KCNC2: variants seen among roughly 807,000 people sequenced by gnomAD.
KCNC2 encodes the protein voltage-gated potassium channel KCNC2.
In KCNC2, 21 loss-of-function variants were observed where a neutral mutation model predicts 44.5. The observed-to-expected ratio is 0.47, with a 90% CI of 0.33 to 0.68. The LOEUF (loss-of-function observed/expected upper bound fraction) is 0.68. Among genes scored for constraint, KCNC2 ranks in the 30% least tolerant of loss-of-function variants. The probability of loss-of-function intolerance (pLI) is 0.01; values close to 1 mark genes in which losing one functional copy is unlikely to be tolerated. For missense variants in KCNC2, 589 were observed against 826.2 expected (o/e 0.71, Z 3.52); for synonymous variants, 391 against 339.1 (o/e 1.15, Z -1.68).
chr12:75,042,107 A>G lies in KCNC2; in HGVS notation c.*998T>C. 5 of 1,244,630 alleles carry G rather than the reference A, an allele frequency of 4.0e-6. No homozygotes were observed. The East Asian group carries it at 1.6e-4, about 40-fold the overall frequency. The allele number at this position is 1,244,630 out of a possible 1,614,324, so 77.1% of individuals were successfully genotyped here. ...GTGACATTTGATGTTTGCACAAAAA[A>G]TTAATAAATAAAAATAAAATAAGGG... On this transcript the variant is annotated 3_prime_UTR_variant, in exon 5 of 5. Coordinates refer to ENST00000549446, the MANE Select transcript of KCNC2 (RefSeq NM_139137.4).
chr12:75,121,018 A>G (rs1309414903), intron 2 of KCNC2, among the ~76,000 whole-genome samples: 1 of 152,192 alleles, frequency 6.6e-6, no homozygotes, highest in Non-Finnish European at 1.5e-5. Flanking sequence ...CAGTGTCTGT[A>G]TACAGCTCTC....
At chr12:75,086,030 T>C (rs1048611622) in intron 2 of KCNC2, among the ~76,000 whole-genome samples, 2 of 152,040 alleles carry the variant, frequency 1.3e-5, no homozygotes, top group African/African-American at 2.4e-5. Context: ...AAACTGACAA[T>C]TTTAATGTAA....
chr12:75,100,178 A>G (rs1037024385), intron 2 of KCNC2, among the ~76,000 whole-genome samples: 1 of 152,094 alleles, frequency 6.6e-6, no homozygotes, highest in African/African-American at 2.4e-5. Flanking sequence ...GGCGAGTTCT[A>G]TAGTCTTTTT....
At chr12:75,149,145 A>G (rs1195553366) in intron 2 of KCNC2, among the ~76,000 whole-genome samples, 2 of 151,840 alleles carry the variant, frequency 1.3e-5, no homozygotes, top group Admixed American at 1.3e-4. Context: ...GGAAATCTCT[A>G]TCCAGTCATT....
In KCNC2 at chr12:75,209,315, G is replaced by A. The variant is rs1294684546; in HGVS notation, c.-128C>T. The A allele has an allele frequency of 6.6e-6, 1 of 152,200 alleles. No individual in the cohort carries two copies. Among genetic ancestry groups the A allele is most frequent in the African/African-American group, 2.4e-5 (1 of 41,446 alleles). The allele number at this position is 152,200 out of a possible 1,614,324, so 9.4% of individuals were successfully genotyped here. A position where few individuals can be genotyped will look rare whatever the true frequency, so the allele number is the denominator to read the frequency against. On this transcript the variant is annotated 5_prime_UTR_variant, in exon 1 of 5. Coordinates refer to ENST00000549446, the MANE Select transcript of KCNC2 (RefSeq NM_139137.4). ...CCCAGGTGAGCCGCCCTTCTCCGAC[G>A]AGAAACTACTTGTTGGCGTTTTCCG...
chr12:75,196,369 T>G (rs1163384045), intron 2 of KCNC2, among the ~76,000 whole-genome samples: 1 of 152,148 alleles, frequency 6.6e-6, no homozygotes, highest in Non-Finnish European at 1.5e-5. Context: ...AGAGACAACT[T>G]ATTTCTTCAT....
At chr12:75,146,867 G>A (rs1038163123) in intron 2 of KCNC2, among the ~76,000 whole-genome samples, 1 of 152,072 alleles carries the variant, frequency 6.6e-6, no homozygotes, top group Non-Finnish European at 1.5e-5. Context: ...TGTGATTCCC[G>A]AGGAAACACT....
chr12:75,152,915 G>C (rs1162040194), intron 2 of KCNC2, among the ~76,000 whole-genome samples: 1 of 151,908 alleles, frequency 6.6e-6, no homozygotes, highest in Non-Finnish European at 1.5e-5. Context: ...TCGAAAATTA[G>C]AGGCGAATTA....
At chr12:75,103,159 A>T (rs1886509104) in intron 2 of KCNC2, among the ~76,000 whole-genome samples, 1 of 152,210 alleles carries the variant, frequency 6.6e-6, no homozygotes, top group Non-Finnish European at 1.5e-5. Flanking sequence ...AAAGATAATT[A>T]AAAGAGTTAA....
At position 75,063,783 on chromosome 12, in the gene KCNC2, A is replaced by C. The variant is rs80180609; in HGVS notation, c.688-12466T>G. On this transcript the variant is annotated intron_variant, in intron 2 of 4. Transcript: ENST00000549446. Reference sequence around the variant, plus strand: ...GTAGCAAAATATGCATATGAACCAGAGACAGGACAAATCCTTTTATAATTT... The same window carrying C: ...GTAGCAAAATATGCATATGAACCAGCGACAGGACAAATCCTTTTATAATTT... Among the ~76,000 whole-genome samples the C allele has an allele frequency of 4.6e-3, 693 of 152,264 alleles. 7 individuals are homozygous for C. Among genetic ancestry groups the C allele is most frequent in the African/African-American group, 0.016 (651 of 41,564 alleles).
At chr12:75,080,411 GA>G (rs918517793) in intron 2 of KCNC2, among the ~76,000 whole-genome samples, 16 of 145,534 alleles carry the variant, frequency 1.1e-4, no homozygotes, top group Non-Finnish European at 1.7e-4. Flanking sequence ...AAAAGAAGGA[GA>G]AAAAAAAAAC....
At position 75,040,857 on chromosome 12, in the gene KCNC2, G is replaced by A; in HGVS notation, c.*2248C>T. On this transcript the variant is annotated 3_prime_UTR_variant, in exon 5 of 5. Coordinates refer to ENST00000549446, the MANE Select transcript of KCNC2 (RefSeq NM_139137.4). ...ATGAAGAGTAATTCAAAGAAGTGTG[G>A]GCCTTACTTGAAACTTCAGAGATGT... 1 of 485,430 alleles carries A rather than the reference G, an allele frequency of 2.1e-6. No individual in the cohort carries two copies. Among genetic ancestry groups the A allele is most frequent in the Non-Finnish European group, 3.7e-6 (1 of 267,770 alleles). 30.1% of individuals were successfully genotyped at this position (485,430 alleles called of 1,614,324 possible). A position where few individuals can be genotyped will look rare whatever the true frequency, so the allele number is the denominator to read the frequency against.
intron 2 of KCNC2, among the ~76,000 whole-genome samples, chr12:75,169,635 A>C (rs1891681413): frequency 6.6e-6 from 1 of 151,688 alleles, no homozygotes; most frequent in Non-Finnish European, 1.5e-5. Flanking sequence ...AATTTTAAAA[A>C]CCTATTTCAA....
At chr12:75,144,967 G>T (rs755306981) in intron 2 of KCNC2, among the ~76,000 whole-genome samples, 1 of 151,956 alleles carries the variant, frequency 6.6e-6, no homozygotes, top group Non-Finnish European at 1.5e-5. Flanking sequence ...AAGGAAAAAA[G>T]GGATTATGCT....
chr12:75,178,903 G>A (rs969770237), intron 2 of KCNC2, among the ~76,000 whole-genome samples: 1 of 151,880 alleles, frequency 6.6e-6, no homozygotes, highest in African/African-American at 2.4e-5. Context: ...AAAGTTTTGG[G>A]ACCCATGAGC....
intron 2 of KCNC2, among the ~76,000 whole-genome samples, chr12:75,104,903 T>C (rs1174297325): frequency 6.6e-6 from 1 of 152,188 alleles, no homozygotes; most frequent in African/African-American, 2.4e-5. Flanking sequence ...ATTTTCTTAA[T>C]ATTAGTGGCA....
At chr12:75,071,677 C>G (rs879496301) in intron 2 of KCNC2, among the ~76,000 whole-genome samples, 27 of 152,086 alleles carry the variant, frequency 1.8e-4, no homozygotes, top group Admixed American at 1.8e-3. Context: ...CTTGGCCAGA[C>G]GCGGTGGCTC....
intron 2 of KCNC2, among the ~76,000 whole-genome samples, chr12:75,059,040 T>C (rs558767454): frequency 6.6e-6 from 1 of 152,170 alleles, no homozygotes; most frequent in East Asian, 1.9e-4. Context: ...AGAGTCTCCC[T>C]TCCTCCTGTG....
At chr12:75,169,797 G>C (rs993488658) in intron 2 of KCNC2, among the ~76,000 whole-genome samples, 1 of 151,572 alleles carries the variant, frequency 6.6e-6, no homozygotes. Context: ...TTGCAAACAA[G>C]CATCTACATC....
Sources: gnomAD v4.1 joint callset for allele counts (sites outside exome capture counted in the v4.1 genomes callset) on GRCh38, gnomAD v4.1.1 for gene constraint, MANE v1.5 for transcripts, NCBI Gene and HGNC (gene_info 2026-07-23, HGNC 2026-07-21) for gene names.